SCUBE1: variants seen among roughly 807,000 people sequenced by gnomAD.
The protein encoded by SCUBE1 is signal peptide, CUB domain and EGF like domain containing 1.
SCUBE1 carries 59 observed loss-of-function variants against 124.4 expected under a neutral mutation model. The ratio of observed to expected loss-of-function variants is 0.47; its 90% CI spans 0.38 to 0.59. The LOEUF (loss-of-function observed/expected upper bound fraction) is 0.59, where lower values mean the gene tolerates loss of function less well. Among genes scored for constraint, SCUBE1 ranks in the 20% least tolerant of loss-of-function variants. The pLI, the probability that SCUBE1 is intolerant of heterozygous loss-of-function variation, is 0.00. For missense variants in SCUBE1, 1,150 were observed against 1,371.2 expected (o/e 0.84, Z 2.55); for synonymous variants, 545 against 550.9 (o/e 0.99, Z 0.15).
chr22:43,258,066 C>G lies in SCUBE1; in HGVS notation c.727+153G>C, dbSNP rs1923729740. Among the ~76,000 whole-genome samples the G allele has an allele frequency of 6.6e-6, 1 of 151,966 alleles. No individual in the cohort carries two copies. The highest frequency in any genetic ancestry group is 1.5e-5 in the Non-Finnish European group (1 of 68,020). On this transcript the variant is annotated intron_variant, in intron 6 of 21. Coordinates refer to ENST00000360835, the MANE Select transcript of SCUBE1 (RefSeq NM_173050.5). The surrounding 1 kb of genome is among the most constrained non-coding windows in gnomAD (Gnocchi z 5.0). ...AAGCCTCCCCAGGGGCGCCGGCCAT[C>G]CCCGCCATTGCCATGGGCTTGCCTT...
rs1006363450 is a variant in SCUBE1, at chr22:43,210,534, C to A, written c.2384-294G>T. On this transcript the variant is annotated intron_variant, in intron 18 of 21. Coordinates refer to ENST00000360835, the MANE Select transcript of SCUBE1 (RefSeq NM_173050.5). This position sits in a 1 kb window ranked among gnomAD's most constrained non-coding sequence, Gnocchi z 4.5. ...CCCACCCTATTTCTCTGTGGCTGGG[C>A]CTTGTCAGGGGCACTGAGAGGGCCT... 6.6e-6 allele frequency among the ~76,000 whole-genome samples: 1 copy of A among 152,188 alleles called. No individual in the cohort carries two copies. The highest frequency in any genetic ancestry group is 1.5e-5 in the Non-Finnish European group (1 of 68,016).
chr22:43,279,284 G>A (rs1329224980), intron 4 of SCUBE1, among the ~76,000 whole-genome samples: 4 of 152,240 alleles, frequency 2.6e-5, no homozygotes, highest in South Asian at 2.1e-4. Flanking sequence ...AGGGGGCTCA[G>A]GCCCCAGAGG....
chr22:43,210,404 G>A lies in SCUBE1; in HGVS notation c.2384-164C>T, dbSNP rs544990064. 2.0e-4 allele frequency among the ~76,000 whole-genome samples: 31 copies of A among 152,304 alleles called. No homozygotes were observed. Among genetic ancestry groups the A allele is most frequent in the African/African-American group, 7.0e-4 (29 of 41,584 alleles). On this transcript the variant is annotated intron_variant, in intron 18 of 21. Transcript: ENST00000360835. This position sits in a 1 kb window ranked among gnomAD's most constrained non-coding sequence, Gnocchi z 4.5. ...TGAGCCCATCCTCCTTGGGGACCCT[G>A]CCTGGGCTGCCCCCAGAGCAGGAGG...
chr22:43,252,151 T>C (rs1222378784), intron 6 of SCUBE1, among the ~76,000 whole-genome samples: 1 of 152,198 alleles, frequency 6.6e-6, no homozygotes, highest in Non-Finnish European at 1.5e-5. Context: ...GGGACTGGGG[T>C]GACTATCACA....
At chr22:43,207,955 C>T in intron 20 of SCUBE1, 117 bp downstream of exon 20, 1 of 1,180,554 alleles carries the variant, frequency 8.5e-7, no homozygotes. Context: ...GTTCTGCTTC[C>T]AGGTCTGTAC....
intron 12 of SCUBE1, among the ~76,000 whole-genome samples, chr22:43,222,338 C>T (rs1280550475): frequency 6.6e-6 from 1 of 152,234 alleles, no homozygotes. Context: ...CTTGCTCCAC[C>T]CATACAGTCT....
chr22:43,221,140 T>C (rs766484342), intron 13 of SCUBE1, 33 bp downstream of exon 13: 1 of 1,538,170 alleles, frequency 6.5e-7, no homozygotes, highest in South Asian at 1.1e-5. Context: ...ACAGCCCCGT[T>C]GGTGTGGGTT....
chr22:43,331,596 C>T (rs1021633369), intron 2 of SCUBE1, among the ~76,000 whole-genome samples: 2 of 152,160 alleles, frequency 1.3e-5, no homozygotes, highest in African/African-American at 4.8e-5. Flanking sequence ...GGGCCTGGTC[C>T]TGATTATAAA....
intron 6 of SCUBE1, among the ~76,000 whole-genome samples, chr22:43,257,845 T>A (rs1411306852): frequency 1.3e-5 from 2 of 152,216 alleles, no homozygotes; most frequent in Non-Finnish European, 2.9e-5. Flanking sequence ...ACACCTGTGC[T>A]TCTGGAACAG....
intron 3 of SCUBE1, among the ~76,000 whole-genome samples, chr22:43,308,468 AT>A (rs911266435): frequency 8.6e-5 from 13 of 151,920 alleles, no homozygotes; most frequent in Non-Finnish European, 1.8e-4. Context: ...GATGATCAGC[AT>A]TTTTTTTTCC....
intron 2 of SCUBE1, among the ~76,000 whole-genome samples, chr22:43,326,537 C>T (rs1457101678): frequency 6.6e-6 from 1 of 152,070 alleles, no homozygotes; most frequent in Non-Finnish European, 1.5e-5. Context: ...TCTCTGAGGG[C>T]CCCTGGCATC....
intron 3 of SCUBE1, among the ~76,000 whole-genome samples, chr22:43,294,714 T>G (rs951583109): frequency 1.5e-4 from 23 of 152,292 alleles, no homozygotes; most frequent in African/African-American, 4.8e-4. Flanking sequence ...GAAGTCCTCC[T>G]GGAATGCCTG....
In SCUBE1 at chr22:43,222,662, A is replaced by T. The variant is rs1922141798; in HGVS notation, c.1408T>A (p.Ser470Thr). ...KALQKRNGTS[S>T]GLGPSCSDAP... ...CCTGAGCAGCTGGGCCCGAGGCCAG[A>T]GCTGGTGCCGTTGCGTTTCTGCAGC... Residue 470 changes from serine (S) to threonine (T), a missense_variant, in exon 12 of 22, where the codon TCT becomes ACT. Physicochemically the swap from Ser to Thr is moderately conservative, Grantham distance 58. Coordinates refer to ENST00000360835, the MANE Select transcript of SCUBE1 (RefSeq NM_173050.5). 1 of 1,599,312 alleles carries T rather than the reference A, an allele frequency of 6.3e-7. No individual in the cohort carries two copies. The highest frequency in any genetic ancestry group is 8.5e-7 in the Non-Finnish European group (1 of 1,174,052).
chr22:43,274,188 C>T (rs1280483941), intron 4 of SCUBE1, among the ~76,000 whole-genome samples: 7 of 152,194 alleles, frequency 4.6e-5, no homozygotes, highest in Admixed American at 6.5e-5. Flanking sequence ...CCTCAAGGCC[C>T]GGGAGGCTGG....
intron 3 of SCUBE1, among the ~76,000 whole-genome samples, chr22:43,293,764 G>A (rs1006598565): frequency 1.3e-5 from 2 of 152,120 alleles, no homozygotes; most frequent in Non-Finnish European, 2.9e-5. Flanking sequence ...CCTGCTCTGC[G>A]CCTTGGCTTC....
intron 4 of SCUBE1, among the ~76,000 whole-genome samples, chr22:43,276,349 C>T (rs964325903): frequency 6.6e-6 from 1 of 152,140 alleles, no homozygotes; most frequent in Non-Finnish European, 1.5e-5. Context: ...GGAAGAAGTC[C>T]CATGGGACGT....
chr22:43,261,174 G>A (rs1923857973), intron 5 of SCUBE1, among the ~76,000 whole-genome samples: 1 of 152,266 alleles, frequency 6.6e-6, no homozygotes, highest in Non-Finnish European at 1.5e-5. Context: ...GAAAGCTGGA[G>A]TCAGCATTTC....
Position 43,210,662 on chromosome 22 carries a change from T to G in SCUBE1, c.2383+260A>C, listed in dbSNP as rs138987. On this transcript the variant is annotated intron_variant, in intron 18 of 21. Coordinates refer to ENST00000360835, the MANE Select transcript of SCUBE1 (RefSeq NM_173050.5). This position sits in a 1 kb window ranked among gnomAD's most constrained non-coding sequence, Gnocchi z 4.5. ...CAGGGCCTGGCCCAGGGCAGAGGCT[T>G]GGGCTGTGTTGGGTGAGCAGTGGGA... 6.6e-6 allele frequency among the ~76,000 whole-genome samples: 1 copy of G among 152,062 alleles called. No homozygotes were observed.
At chr22:43,339,265 G>T in intron 1 of SCUBE1, 30 bp from the exon 2 acceptor site, 1 of 1,608,288 alleles carries the variant, frequency 6.2e-7, no homozygotes, top group Non-Finnish European at 8.5e-7. Context: ...GGGAATAAGA[G>T]GTAAGGTGTG....
Sources: allele counts gnomAD v4.1 joint callset (sites outside exome capture counted in the v4.1 genomes callset), GRCh38; gene constraint gnomAD v4.1.1; non-coding constraint Gnocchi (gnomAD v3.1); transcripts MANE v1.5; gene names NCBI Gene and HGNC (gene_info 2026-07-23, HGNC 2026-07-21).